Variants in AUTS2 observed in about 807,000 individuals in gnomAD.
AUTS2 encodes the protein activator of transcription and developmental regulator AUTS2, also known as autism susceptibility gene 2 protein.
In AUTS2, 17 loss-of-function variants were observed where a neutral mutation model predicts 112.4. That is an observed-to-expected ratio of 0.15 (90% CI 0.10 to 0.23). AUTS2 has a LOEUF of 0.23. Ranked by LOEUF, AUTS2 falls within the 10% of genes least tolerant of loss-of-function variation. The pLI is 1.00. For synonymous variants in AUTS2, 751 were observed against 702.7 expected, an observed-to-expected ratio of 1.07 and a Z score of -1.09; for missense variants, 1,510 against 1,701.6, an observed-to-expected ratio of 0.89 and a Z score of 1.98.
chr7:69,629,202 T>A (rs1794108576), intron 1 of AUTS2, among the ~76,000 whole-genome samples: 1 of 152,104 alleles, frequency 6.6e-6, no homozygotes, highest in Non-Finnish European at 1.5e-5. Flanking sequence ...AAACATTGAG[T>A]CTGTAAACTA....
At chr7:70,121,043 A>T (rs901039391) in intron 3 of AUTS2, among the ~76,000 whole-genome samples, 2 of 152,218 alleles carry the variant, frequency 1.3e-5, no homozygotes, top group Admixed American at 6.5e-5. Flanking sequence ...AAGGGAGCCC[A>T]TACTTATATG....
intron 2 of AUTS2, among the ~76,000 whole-genome samples, chr7:70,069,183 G>C (rs1368101350): frequency 3.3e-5 from 5 of 152,180 alleles, no homozygotes; most frequent in Non-Finnish European, 7.3e-5. Context: ...GGTTCAGGGA[G>C]ACCATACATG....
At chr7:69,629,575 T>C (rs190193782) in intron 1 of AUTS2, among the ~76,000 whole-genome samples, 3 of 152,320 alleles carry the variant, frequency 2.0e-5, no homozygotes, top group Admixed American at 6.5e-5. Flanking sequence ...CATTAGAAGC[T>C]GCAGTCCTGA....
At chr7:70,634,424 C>A (rs376187118) in intron 5 of AUTS2, among the ~76,000 whole-genome samples, 8 of 152,300 alleles carry the variant, frequency 5.3e-5, no homozygotes, top group African/African-American at 1.9e-4. Context: ...CACCTTTCAT[C>A]CCCCATTTGC....
intron 15 of AUTS2, 170 bp downstream of exon 15, chr7:70,781,926 T>C (rs951391): frequency 2.4e-5 from 18 of 740,946 alleles, no homozygotes; most frequent in Admixed American, 1.9e-4. Flanking sequence ...GGAATCTTCA[T>C]TGATACACTC....
At chr7:70,632,565 G>A (rs1323314623) in intron 5 of AUTS2, among the ~76,000 whole-genome samples, 2 of 151,778 alleles carry the variant, frequency 1.3e-5, no homozygotes, top group Admixed American at 6.6e-5. Flanking sequence ...AGGTTTCTGT[G>A]AATCTGAGGT....
intron 2 of AUTS2, among the ~76,000 whole-genome samples, chr7:70,028,252 T>G (rs192234718): frequency 2.0e-4 from 31 of 152,166 alleles, no homozygotes; most frequent in Admixed American, 1.9e-3. Flanking sequence ...GCATTACTCA[T>G]TCTATGAACC....
At chr7:69,808,295 TC>T (rs1362788455) in intron 1 of AUTS2, among the ~76,000 whole-genome samples, 1 of 152,202 alleles carries the variant, frequency 6.6e-6, no homozygotes, top group African/African-American at 2.4e-5. Context: ...TAGGCCTGAC[TC>T]CACACCTACT....
chr7:69,799,495 A>G (rs1291450731), intron 1 of AUTS2, among the ~76,000 whole-genome samples: 1 of 152,120 alleles, frequency 6.6e-6, no homozygotes, highest in Non-Finnish European at 1.5e-5. Flanking sequence ...GGTATTTTAG[A>G]CAGGCAGGGA....
At chr7:69,685,080 C>T (rs1797002079) in intron 1 of AUTS2, among the ~76,000 whole-genome samples, 1 of 152,228 alleles carries the variant, frequency 6.6e-6, no homozygotes, top group African/African-American at 2.4e-5. Flanking sequence ...AAGATATACT[C>T]AGTAGCCTGG....
intron 6 of AUTS2, among the ~76,000 whole-genome samples, chr7:70,746,908 C>A (rs944067615): frequency 6.6e-6 from 1 of 152,140 alleles, no homozygotes; most frequent in African/African-American, 2.4e-5. Context: ...GATTCTGTAA[C>A]CATTATTTTG....
At chr7:70,642,789 G>GTGTA (rs151181749) in intron 5 of AUTS2, among the ~76,000 whole-genome samples, 3 of 39,390 alleles carry the variant, frequency 7.6e-5, no homozygotes, top group South Asian at 1.9e-3. Context: ...ACATAAACAT[G>GTGTA]CGTGTCAACT....
At chr7:70,381,138 A>G (rs1793350472) in intron 4 of AUTS2, among the ~76,000 whole-genome samples, 1 of 152,230 alleles carries the variant, frequency 6.6e-6, no homozygotes, top group Admixed American at 6.5e-5. Flanking sequence ...ATAGGATGAA[A>G]TAATACTAAG....
At chr7:69,905,222 G>C (rs1195812402) in intron 2 of AUTS2, among the ~76,000 whole-genome samples, 2 of 152,142 alleles carry the variant, frequency 1.3e-5, no homozygotes, top group Non-Finnish European at 2.9e-5. Flanking sequence ...GTTATGACCA[G>C]TAATAATTTT....
chr7:69,765,886 G>A (rs1472959445), intron 1 of AUTS2, among the ~76,000 whole-genome samples: 4 of 152,178 alleles, frequency 2.6e-5, no homozygotes, highest in Non-Finnish European at 5.9e-5. Flanking sequence ...GGACAAGGCT[G>A]CAGTGAGGTG....
chr7:69,725,689 T>G (rs1047320819), intron 1 of AUTS2, among the ~76,000 whole-genome samples: 7 of 152,154 alleles, frequency 4.6e-5, no homozygotes, highest in Admixed American at 2.0e-4. Context: ...TAGGCTCTTA[T>G]GAAGGCTGTC....
At chr7:69,744,571 G>A (rs1278357586) in intron 1 of AUTS2, among the ~76,000 whole-genome samples, 2 of 151,864 alleles carry the variant, frequency 1.3e-5, no homozygotes, top group Admixed American at 6.6e-5. Flanking sequence ...GATGGCTCAT[G>A]CCTGTAATCT....
At chr7:70,234,270 G>A (rs1812204515) in intron 4 of AUTS2, among the ~76,000 whole-genome samples, 2 of 152,148 alleles carry the variant, frequency 1.3e-5, no homozygotes, top group African/African-American at 4.8e-5. Context: ...TAAAGCATAT[G>A]CCAAGATTTT....
chr7:70,506,961 C>A (rs921779220), intron 5 of AUTS2, among the ~76,000 whole-genome samples: 1 of 152,172 alleles, frequency 6.6e-6, no homozygotes, highest in East Asian at 1.9e-4. Flanking sequence ...CGAGTGCTGT[C>A]CCAGCGCAGA....
Sources: allele counts gnomAD v4.1 joint callset (sites outside exome capture counted in the v4.1 genomes callset), GRCh38; gene constraint gnomAD v4.1.1; transcripts MANE v1.5; gene names NCBI Gene and HGNC (gene_info 2026-07-23, HGNC 2026-07-21).